The following TLK1 variants were observed in gnomAD, a reference collection of about 807,000 sequenced individuals.
TLK1 encodes serine/threonine-protein kinase tousled-like 1.
In TLK1, 24 loss-of-function variants were observed where a neutral mutation model predicts 105.3. That is an observed-to-expected ratio of 0.23 (90% CI 0.17 to 0.32). The LOEUF (loss-of-function observed/expected upper bound fraction) is 0.32. TLK1 is among the 10% of genes least tolerant of loss of function. The probability of loss-of-function intolerance (pLI) is 1.00; values close to 1 mark genes in which losing one functional copy is unlikely to be tolerated. For synonymous variants in TLK1, 321 were observed against 310.4 expected, an observed-to-expected ratio of 1.03 and a Z score of -0.36; for missense variants, 558 against 910.5, an observed-to-expected ratio of 0.61 and a Z score of 4.98.
At chr2:171,112,059 C>A (rs928119277) in intron 2 of TLK1, among the ~76,000 whole-genome samples, 8 of 152,324 alleles carry the variant, frequency 5.3e-5, no homozygotes, top group Admixed American at 2.0e-4. Flanking sequence ...TCAAGCAATT[C>A]TCCTGCCTCA....
chr2:171,039,677 T>G (rs558690653), intron 11 of TLK1, among the ~76,000 whole-genome samples: 1 of 152,202 alleles, frequency 6.6e-6, no homozygotes, highest in African/African-American at 2.4e-5. Context: ...CAAATACTGC[T>G]TATGCTGCAT....
chr2:171,123,055 A>ACACACACAC (rs1558954550), intron 1 of TLK1, among the ~76,000 whole-genome samples: 3 of 79,256 alleles, frequency 3.8e-5, no homozygotes, highest in African/African-American at 2.6e-4. Context: ...TAAATAAATA[A>ACACACACAC]ATACACACAC....
At chr2:171,200,161 G>A (rs993910755) in intron 1 of TLK1, among the ~76,000 whole-genome samples, 23 of 152,100 alleles carry the variant, frequency 1.5e-4, no homozygotes, top group African/African-American at 5.1e-4. Context: ...TGGAAAACAC[G>A]GTAGAAATAG....
At chr2:171,111,834 T>C (rs1367768705) in intron 2 of TLK1, among the ~76,000 whole-genome samples, 1 of 152,210 alleles carries the variant, frequency 6.6e-6, no homozygotes, top group Non-Finnish European at 1.5e-5. Flanking sequence ...GTATATACAT[T>C]TGTCAAAACT....
chr2:171,203,772 G>A (rs527640981), intron 1 of TLK1, among the ~76,000 whole-genome samples: 4 of 152,298 alleles, frequency 2.6e-5, no homozygotes, highest in Middle Eastern at 6.8e-3. Context: ...AAGATGGGCC[G>A]TGTGCAGTGG....
At chr2:171,080,798 C>A (rs1442013824) in intron 3 of TLK1, among the ~76,000 whole-genome samples, 4 of 151,708 alleles carry the variant, frequency 2.6e-5, no homozygotes, top group Non-Finnish European at 4.4e-5. Flanking sequence ...GCTTCGACTT[C>A]CTTGGCTCAA....
At chr2:171,075,629 T>C (rs957483816) in intron 3 of TLK1, among the ~76,000 whole-genome samples, 5 of 152,158 alleles carry the variant, frequency 3.3e-5, no homozygotes, top group East Asian at 1.9e-4. Flanking sequence ...TTCTCCAACA[T>C]TAATTATTAA....
At chr2:171,075,656 T>C (rs1688467376) in intron 3 of TLK1, among the ~76,000 whole-genome samples, 1 of 152,164 alleles carries the variant, frequency 6.6e-6, no homozygotes, top group Admixed American at 6.6e-5. Flanking sequence ...TGTAATTAAA[T>C]GATATGTTCA....
At chr2:171,219,578 G>A (rs919179548) in intron 1 of TLK1, among the ~76,000 whole-genome samples, 2 of 151,844 alleles carry the variant, frequency 1.3e-5, no homozygotes, top group Non-Finnish European at 2.9e-5. Flanking sequence ...AGAGTCAAGA[G>A]AGCTTTCTGG....
intron 1 of TLK1, among the ~76,000 whole-genome samples, chr2:171,177,332 G>GT (rs1157522882): frequency 6.6e-6 from 1 of 151,350 alleles, no homozygotes; most frequent in Non-Finnish European, 1.5e-5. Flanking sequence ...TGTAGAGATG[G>GT]TTTTTTTGCC....
At chr2:171,136,284 G>C (rs1355040752) in intron 1 of TLK1, among the ~76,000 whole-genome samples, 2 of 152,208 alleles carry the variant, frequency 1.3e-5, no homozygotes, top group African/African-American at 2.4e-5. Flanking sequence ...TACAGAGACA[G>C]AAAGTAGAAT....
intron 2 of TLK1, among the ~76,000 whole-genome samples, chr2:171,091,260 T>C (rs868265398): frequency 6.6e-6 from 1 of 152,154 alleles, no homozygotes; most frequent in African/African-American, 2.4e-5. Context: ...CAAAAATCAG[T>C]GCTTGAGTTC....
At chr2:171,117,085 T>C (rs1690464925) in intron 2 of TLK1, among the ~76,000 whole-genome samples, 1 of 152,164 alleles carries the variant, frequency 6.6e-6, no homozygotes, top group African/African-American at 2.4e-5. Context: ...ATCAGTTTCA[T>C]GGAAGACAAT....
At chr2:171,223,395 A>G (rs779345323) in intron 1 of TLK1, among the ~76,000 whole-genome samples, 2 of 151,396 alleles carry the variant, frequency 1.3e-5, no homozygotes, top group African/African-American at 2.4e-5. Context: ...TTATCTGATG[A>G]TTAATGAGGT....
In TLK1 at chr2:171,049,945, T is replaced by A; in HGVS notation, c.849A>T (p.Thr283=). Residue 283 remains threonine (T), a synonymous_variant, in exon 10 of 21, where the codon ACA becomes ACT. Coordinates refer to ENST00000431350, the MANE Select transcript of TLK1 (RefSeq NM_012290.5). ...MSKKLLIEKS[T]QEKLSSREKS... ...TCTCTCTGCTTGACAGCTTTTCTTG[T>A]GTACTCTGAAAAGGAGAAAAAAAAT... 1 of 1,606,998 alleles carries A rather than the reference T, an allele frequency of 6.2e-7. No individual in the cohort carries two copies. Among genetic ancestry groups the A allele is most frequent in the Non-Finnish European group, 8.5e-7 (1 of 1,175,832 alleles).
At chr2:171,097,714 C>T (rs1294891926) in intron 2 of TLK1, among the ~76,000 whole-genome samples, 1 of 152,104 alleles carries the variant, frequency 6.6e-6, no homozygotes, top group African/African-American at 2.4e-5. Flanking sequence ...CATATGAGGT[C>T]AGGAATTGAG....
intron 2 of TLK1, among the ~76,000 whole-genome samples, chr2:171,097,623 A>C (rs897976763): frequency 7.2e-5 from 11 of 152,106 alleles, no homozygotes; most frequent in Non-Finnish European, 1.6e-4. Context: ...GCAAGACAAC[A>C]ACCTAATTTA....
At chr2:171,187,057 CAAAAA>C (rs71013019) in intron 1 of TLK1, among the ~76,000 whole-genome samples, 2 of 34,058 alleles carry the variant, frequency 5.9e-5, no homozygotes, top group African/African-American at 1.4e-4. Context: ...GACTCTGTCT[CAAAAA>C]AAAAAAAAAA....
chr2:171,079,230 T>C (rs1168903492), intron 3 of TLK1, among the ~76,000 whole-genome samples: 1 of 152,230 alleles, frequency 6.6e-6, no homozygotes, highest in African/African-American at 2.4e-5. Context: ...CTCTGTCTTA[T>C]GGGATGAATT....
Sources: gnomAD v4.1 joint callset for allele counts (sites outside exome capture counted in the v4.1 genomes callset) on GRCh38, gnomAD v4.1.1 for gene constraint, MANE v1.5 for transcripts, NCBI Gene and HGNC (gene_info 2026-07-23, HGNC 2026-07-21) for gene names.